Variants in ME3 observed in about 807,000 individuals in gnomAD.
ME3 encodes the protein malic enzyme 3, also known as NADP-dependent malic enzyme, mitochondrial.
Under a neutral mutation model 68.9 loss-of-function variants are expected in ME3, and 48 were observed. That is an observed-to-expected ratio of 0.70 (90% CI 0.55 to 0.89). The LOEUF (loss-of-function observed/expected upper bound fraction) is 0.89. Ranked by LOEUF, ME3 falls within the 40% of genes least tolerant of loss-of-function variation. The pLI is 0.00. For missense variants in ME3, 675 were observed against 797.4 expected (o/e 0.85, Z 1.85); for synonymous variants, 320 against 318.8 (o/e 1.00, Z -0.04).
chr11:86,471,591 A>G (rs1378859191), intron 7 of ME3, among the ~76,000 whole-genome samples: 3 of 152,222 alleles, frequency 2.0e-5, no homozygotes, highest in Non-Finnish European at 2.9e-5. Context: ...TTCTGTTTCA[A>G]TTAAAGAAAT....
chr11:86,445,865 C>A (rs1949257362), intron 13 of ME3, among the ~76,000 whole-genome samples: 1 of 152,104 alleles, frequency 6.6e-6, no homozygotes, highest in South Asian at 2.1e-4. Flanking sequence ...ACACCCACCC[C>A]CTCCCTTACA....
chr11:86,489,624 G>T (rs1951880001), intron 6 of ME3, among the ~76,000 whole-genome samples: 1 of 152,156 alleles, frequency 6.6e-6, no homozygotes, highest in Non-Finnish European at 1.5e-5. Flanking sequence ...CATGGAGGGG[G>T]TGTGGGGGAA....
intron 2 of ME3, among the ~76,000 whole-genome samples, chr11:86,605,845 G>GT (rs1400151953): frequency 6.6e-6 from 1 of 151,564 alleles, no homozygotes; most frequent in Non-Finnish European, 1.5e-5. Flanking sequence ...CCAAACACCA[G>GT]TTTTTTTTCC....
intron 4 of ME3, among the ~76,000 whole-genome samples, chr11:86,554,855 A>G (rs958263717): frequency 1.3e-5 from 2 of 152,242 alleles, no homozygotes; most frequent in African/African-American, 4.8e-5. Context: ...TGACCCTTCA[A>G]GAAGTTTGTA....
intron 2 of ME3, among the ~76,000 whole-genome samples, chr11:86,600,164 G>C (rs1020085654): frequency 8.5e-4 from 129 of 152,134 alleles, no homozygotes; most frequent in African/African-American, 2.9e-3. Context: ...TGGCAAATTG[G>C]ATAAAGAGTC....
intron 4 of ME3, among the ~76,000 whole-genome samples, chr11:86,511,169 A>C (rs774450710): frequency 1.3e-5 from 2 of 151,816 alleles, no homozygotes; most frequent in Non-Finnish European, 2.9e-5. Context: ...TGTAACATCC[A>C]CTCTTGCCTC....
chr11:86,529,131 G>A (rs1955005412), intron 4 of ME3, among the ~76,000 whole-genome samples: 3 of 152,142 alleles, frequency 2.0e-5, no homozygotes, highest in African/African-American at 7.2e-5. Flanking sequence ...AAGAAGAAAA[G>A]AGAGAAGAAT....
chr11:86,530,358 A>G (rs942767786), intron 4 of ME3, among the ~76,000 whole-genome samples: 3 of 152,136 alleles, frequency 2.0e-5, no homozygotes, highest in Non-Finnish European at 2.9e-5. Flanking sequence ...AGGATACAAA[A>G]AAATGGAAGA....
At chr11:86,580,278 C>G (rs1359105196) in intron 2 of ME3, among the ~76,000 whole-genome samples, 1 of 152,164 alleles carries the variant, frequency 6.6e-6, no homozygotes, top group African/African-American at 2.4e-5. Context: ...GTGACCTCTC[C>G]TCCAAATGCC....
intron 2 of ME3, among the ~76,000 whole-genome samples, chr11:86,633,801 A>G (rs1308838995): frequency 2.0e-5 from 3 of 152,298 alleles, no homozygotes; most frequent in South Asian, 2.1e-4. Flanking sequence ...CATGGGCCTC[A>G]TGGGGTCATT....
intron 10 of ME3, 99 bp downstream of exon 10, chr11:86,449,790 A>G (rs1949531957): frequency 3.7e-6 from 3 of 819,686 alleles, no homozygotes; most frequent in Non-Finnish European, 5.9e-6. Flanking sequence ...TTTGCTCTCT[A>G]TTCTGTTTGA....
chr11:86,652,618 C>A (rs952980802), intron 2 of ME3, among the ~76,000 whole-genome samples: 19 of 151,928 alleles, frequency 1.3e-4, no homozygotes, highest in Non-Finnish European at 2.8e-4. Flanking sequence ...AAGGAACAAC[C>A]AGTACCAGCC....
chr11:86,472,893 G>A (rs1950859641), intron 7 of ME3, among the ~76,000 whole-genome samples: 1 of 152,210 alleles, frequency 6.6e-6, no homozygotes, highest in African/African-American at 2.4e-5. Context: ...TGGGGATGGG[G>A]AAAGAAAGGC....
chr11:86,514,082 G>A (rs1366908348), intron 4 of ME3, among the ~76,000 whole-genome samples: 1 of 152,114 alleles, frequency 6.6e-6, no homozygotes, highest in Non-Finnish European at 1.5e-5. Flanking sequence ...GTGATAGTGA[G>A]TGAGTTCTCA....
At chr11:86,572,996 A>T (rs1957890962) in intron 2 of ME3, among the ~76,000 whole-genome samples, 2 of 152,138 alleles carry the variant, frequency 1.3e-5, no homozygotes, top group Non-Finnish European at 2.9e-5. Flanking sequence ...ATGATATCTC[A>T]TTGTGGTTTT....
At chr11:86,671,782 T>C (rs1318856957) in exon 2 of ME3, 1 of 1,604,022 alleles carries the variant, frequency 6.2e-7, no homozygotes, top group Non-Finnish European at 8.5e-7. Flanking sequence ...TGAGGGTTCC[T>C]GGTGACATCG....
At chr11:86,649,476 T>C (rs1233699912) in intron 2 of ME3, among the ~76,000 whole-genome samples, 1 of 152,172 alleles carries the variant, frequency 6.6e-6, no homozygotes, top group African/African-American at 2.4e-5. Context: ...CAATCTGGCA[T>C]GAGAAAGAAA....
chr11:86,620,550 G>T (rs1004304293), intron 2 of ME3, among the ~76,000 whole-genome samples: 3 of 152,186 alleles, frequency 2.0e-5, no homozygotes, highest in Non-Finnish European at 4.4e-5. Flanking sequence ...GAGTTAGTAT[G>T]TGAAATCAGA....
chr11:86,446,264 CA>C lies in ME3; in HGVS notation c.1554+49del, dbSNP rs766381810. 5 of 1,599,340 alleles carry C rather than the reference CA, an allele frequency of 3.1e-6. No homozygotes were observed. The South Asian group carries it at 5.6e-5, about 18-fold the overall frequency. On this transcript the variant is annotated intron_variant, in intron 13 of 14. Coordinates refer to ENST00000543262, the Ensembl canonical transcript of ME3. The stretch of plus-strand genomic sequence containing the variant: ...AGAGATCTGGTATAGGACCCAGTGT[CA>C]ACCCACAGACCCTACTGCAAGCATT...
Sources: gnomAD v4.1 joint callset for allele counts (sites outside exome capture counted in the v4.1 genomes callset) on GRCh38, gnomAD v4.1.1 for gene constraint, MANE v1.5 for transcripts, NCBI Gene and HGNC (gene_info 2026-07-23, HGNC 2026-07-21) for gene names.